Variants in SLC26A4 observed in about 807,000 individuals in gnomAD.
SLC26A4 encodes the protein pendrin.
Under a neutral mutation model 90.4 loss-of-function variants are expected in SLC26A4, and 93 were observed. That is an observed-to-expected ratio of 1.03 (90% confidence interval 0.87 to 1.22). SLC26A4 has a LOEUF of 1.22. Among genes scored for constraint, SLC26A4 ranks in the 50% most tolerant of loss-of-function variants. The pLI is 0.00. For synonymous variants in SLC26A4, 393 were observed against 354.6 expected (o/e 1.11, Z -1.22); for missense variants, 1,127 against 946.2 (o/e 1.19, Z -2.51).
In SLC26A4 at chr7:107,717,804, A is replaced by G. The variant is rs1297285341; in HGVS notation, c.*2358A>G. 2.0e-5 allele frequency: 3 copies of G among 152,618 alleles called. No individual in the cohort carries two copies. Among genetic ancestry groups the G allele is most frequent in the East Asian group, 1.9e-4 (1 of 5,200 alleles). The allele number at this position is 152,618 out of a possible 1,614,324, so 9.5% of individuals were successfully genotyped here. ...AACTACTCGGATGTGTCCTTTCTGAACAAAACTATTAAATATAATAAAGAA... is the reference window on the plus strand; with the variant it reads ...AACTACTCGGATGTGTCCTTTCTGAGCAAAACTATTAAATATAATAAAGAA... On this transcript the variant is annotated 3_prime_UTR_variant, in exon 21 of 21. Transcript: ENST00000644269.
intron 5 of SLC26A4, 114 bp from the exon 6 acceptor site, chr7:107,674,831 C>T: frequency 2.1e-6 from 2 of 957,986 alleles, no homozygotes; most frequent in Non-Finnish European, 3.4e-6. Context: ...TATTTTTGTG[C>T]TATAGGCAGG....
intron 20 of SLC26A4, among the ~76,000 whole-genome samples, chr7:107,713,870 T>C (rs1423609246): frequency 1.3e-5 from 2 of 151,284 alleles, no homozygotes; most frequent in Admixed American, 1.3e-4. Flanking sequence ...TTTCATCTTG[T>C]TGGTTCTTGT....
intron 10 of SLC26A4, among the ~76,000 whole-genome samples, chr7:107,691,167 C>T (rs56403824): frequency 0.47 from 69,613 of 147,074 alleles, 16,214 homozygotes; most frequent in East Asian, 0.67. Context: ...GCACAGTCTT[C>T]ACAGTCTTCA....
intron 3 of SLC26A4, among the ~76,000 whole-genome samples, chr7:107,666,361 A>G (rs1307333224): frequency 6.6e-6 from 1 of 152,120 alleles, no homozygotes; most frequent in East Asian, 1.9e-4. Flanking sequence ...AGCTGGAACT[A>G]CAGGCATGTG....
intron 18 of SLC26A4, among the ~76,000 whole-genome samples, chr7:107,708,519 C>G (rs1792091154): frequency 6.6e-6 from 1 of 151,984 alleles, no homozygotes; most frequent in African/African-American, 2.4e-5. Flanking sequence ...TAGAAACAAC[C>G]TTTAAATAAC....
chr7:107,681,751 C>T (rs1302914361), intron 6 of SLC26A4, among the ~76,000 whole-genome samples: 1 of 152,038 alleles, frequency 6.6e-6, no homozygotes, highest in Non-Finnish European at 1.5e-5. Flanking sequence ...ATTTACAAAA[C>T]AAAACTAGTT....
intron 3 of SLC26A4, among the ~76,000 whole-genome samples, chr7:107,664,562 A>G (rs954934877): frequency 6.6e-6 from 1 of 152,190 alleles, no homozygotes; most frequent in Non-Finnish European, 1.5e-5. Flanking sequence ...GTGTAGTTTG[A>G]AACTGGCTTA....
chr7:107,714,785 A>G (rs1012925949), intron 20 of SLC26A4, among the ~76,000 whole-genome samples: 1 of 152,198 alleles, frequency 6.6e-6, no homozygotes, highest in Non-Finnish European at 1.5e-5. Flanking sequence ...TCCTGTCTTC[A>G]TATTAGTATC....
intron 10 of SLC26A4, chr7:107,691,991 A>G: frequency 7.8e-7 from 1 of 1,289,012 alleles, no homozygotes. Flanking sequence ...CATGGTCTTC[A>G]GCGGGTGCAG....
At position 107,674,196 on chromosome 7, in the gene SLC26A4, T is replaced by A; in HGVS notation, c.448T>A (p.Ser150Thr). Residue 150 changes from serine to threonine, a missense_variant, in exon 5 of 21, where the codon TCT becomes ACT. Coordinates refer to ENST00000644269, the MANE Select transcript of SLC26A4 (RefSeq NM_000441.2). Reference sequence around the variant, plus strand: ...TCCAGTGGTGAGTTTAATGGTGGGATCTGTTGTTCTGAGCATGGCCCCCGA... The same window carrying A: ...TCCAGTGGTGAGTTTAATGGTGGGAACTGTTGTTCTGAGCATGGCCCCCGA... ...PFPVVSLMVG[S>T]VVLSMAPDEH... 2 of 1,614,160 alleles carry A rather than the reference T, an allele frequency of 1.2e-6. No homozygotes were observed. Among genetic ancestry groups the A allele is most frequent in the Non-Finnish European group, 1.7e-6 (2 of 1,180,018 alleles).
intron 8 of SLC26A4, among the ~76,000 whole-genome samples, chr7:107,684,397 G>C (rs28398227): frequency 0.03 from 4,548 of 152,208 alleles, 187 homozygotes; most frequent in African/African-American, 0.1. Flanking sequence ...CGGAGCCACT[G>C]TTTGGTACCA....
Position 107,715,462 on chromosome 7 carries a change from G to C in SLC26A4, c.*16G>C, listed in dbSNP as rs761754267. The C allele has an allele frequency of 6.2e-7, 1 of 1,607,380 alleles. No individual in the cohort carries two copies. Among genetic ancestry groups the C allele is most frequent in the South Asian group, 1.1e-5 (1 of 90,930 alleles). On this transcript the variant is annotated 3_prime_UTR_variant, in exon 21 of 21. Transcript: ENST00000644269. ...TGCATCCTGAAAGTGGGTTCGGGAG[G>C]TCTCTATGAGCAAGGAATACAAGAC...
rs1791598312 is a variant in SLC26A4, at chr7:107,692,332, G to A, written c.1264-2071G>A. 2.0e-5 allele frequency among the ~76,000 whole-genome samples: 3 copies of A among 152,178 alleles called. No individual in the cohort carries two copies. In the South Asian group the frequency reaches 6.2e-4, roughly 32 times the overall value. ...CAGGGACTGATGGACAAATAAACTG[G>A]CAGGGCTTCTCTTGTGTGGCTTCTC... On this transcript the variant is annotated intron_variant, in intron 10 of 20. Coordinates refer to ENST00000644269, the MANE Select transcript of SLC26A4 (RefSeq NM_000441.2).
Position 107,715,461 on chromosome 7 carries a change from G to T in SLC26A4, c.*15G>T, listed in dbSNP as rs1161796446. On this transcript the variant is annotated 3_prime_UTR_variant, in exon 21 of 21. Transcript: ENST00000644269. ...TTGCATCCTGAAAGTGGGTTCGGGAGGTCTCTATGAGCAAGGAATACAAGA... is the reference window on the plus strand; with the variant it reads ...TTGCATCCTGAAAGTGGGTTCGGGATGTCTCTATGAGCAAGGAATACAAGA... 6 of 1,608,514 alleles carry T rather than the reference G, an allele frequency of 3.7e-6. No homozygotes were observed. In the African/African-American group the frequency reaches 5.4e-5, roughly 14 times the overall value.
intron 6 of SLC26A4, among the ~76,000 whole-genome samples, chr7:107,680,065 AT>A (rs1791163193): frequency 3.1e-5 from 4 of 127,432 alleles, no homozygotes; most frequent in African/African-American, 1.3e-4. Flanking sequence ...ATATAATCTT[AT>A]TATATAATAT....
chr7:107,667,614 T>C (rs1790754179), intron 3 of SLC26A4, among the ~76,000 whole-genome samples: 1 of 151,694 alleles, frequency 6.6e-6, no homozygotes, highest in Non-Finnish European at 1.5e-5. Context: ...GAAGGGAGAA[T>C]TTGTTTTTCT....
chr7:107,681,733 A>G (rs1342555565), intron 6 of SLC26A4, among the ~76,000 whole-genome samples: 1 of 152,076 alleles, frequency 6.6e-6, no homozygotes, highest in Non-Finnish European at 1.5e-5. Context: ...GATTCCCAGA[A>G]GTCTCCTATT....
intron 8 of SLC26A4, among the ~76,000 whole-genome samples, chr7:107,687,266 T>C (rs955893430): frequency 1.3e-5 from 2 of 152,162 alleles, no homozygotes; most frequent in African/African-American, 4.8e-5. Context: ...GAGAGTTATA[T>C]CCACAGAAGG....
intron 6 of SLC26A4, among the ~76,000 whole-genome samples, chr7:107,680,267 C>A (rs1423291386): frequency 8.8e-5 from 10 of 113,910 alleles, no homozygotes; most frequent in South Asian, 2.6e-4. Context: ...ATAATCTTAT[C>A]TTATTATATA....
Sources: allele counts gnomAD v4.1 joint callset (sites outside exome capture counted in the v4.1 genomes callset), GRCh38; gene constraint gnomAD v4.1.1; transcripts MANE v1.5; gene names NCBI Gene and HGNC (gene_info 2026-07-23, HGNC 2026-07-21).